The following MAP3K13 variants were observed in gnomAD, a reference collection of about 807,000 sequenced individuals.
MAP3K13 encodes the protein mitogen-activated protein kinase kinase kinase 13.
A neutral mutation model predicts 104.0 loss-of-function variants in MAP3K13; 52 were observed. That is an observed-to-expected ratio of 0.50 (90% CI 0.40 to 0.63). The LOEUF is 0.63. Among genes scored for constraint, MAP3K13 ranks in the 20% least tolerant of loss-of-function variants. The pLI is 0.00. For missense variants in MAP3K13, 914 were observed against 1,218.5 expected (o/e 0.75, Z 3.72); for synonymous variants, 394 against 442.2 (o/e 0.89, Z 1.37).
At chr3:185,388,675 A>G (rs773531454) in intron 1 of MAP3K13, among the ~76,000 whole-genome samples, 10 of 152,162 alleles carry the variant, frequency 6.6e-5, no homozygotes, top group Admixed American at 2.0e-4. Context: ...ACAGAAATAG[A>G]CGAAGCAATC....
At chr3:185,475,665 A>G (rs1165787235) in intron 11 of MAP3K13, among the ~76,000 whole-genome samples, 1 of 152,152 alleles carries the variant, frequency 6.6e-6, no homozygotes, top group Admixed American at 6.5e-5. Context: ...CAGCCTGGCC[A>G]ATATGGGAAA....
chr3:185,460,023 T>C (rs1192077331), intron 7 of MAP3K13, among the ~76,000 whole-genome samples: 4 of 152,244 alleles, frequency 2.6e-5, no homozygotes, highest in Non-Finnish European at 5.9e-5. Context: ...GGTTCACGTA[T>C]TTTGTAGCAC....
At chr3:185,421,526 C>A (rs905646149) in intron 1 of MAP3K13, among the ~76,000 whole-genome samples, 7 of 152,268 alleles carry the variant, frequency 4.6e-5, no homozygotes, top group African/African-American at 1.7e-4. Flanking sequence ...GATAAGGGTG[C>A]CATTCCAAAC....
chr3:185,463,788 T>G, intron 8 of MAP3K13, 129 bp downstream of exon 8: 1 of 542,968 alleles, frequency 1.8e-6, no homozygotes, highest in South Asian at 3.3e-5. Flanking sequence ...TTATGCTCTT[T>G]AAAAGTTGCC....
intron 2 of MAP3K13, among the ~76,000 whole-genome samples, chr3:185,339,923 A>G (rs1480781604): frequency 3.3e-5 from 5 of 152,242 alleles, no homozygotes; most frequent in Non-Finnish European, 7.3e-5. Flanking sequence ...GCAAGCTGAA[A>G]CTATGCAAAG....
chr3:185,390,053 C>G (rs1012388210), intron 1 of MAP3K13, among the ~76,000 whole-genome samples: 1 of 152,134 alleles, frequency 6.6e-6, no homozygotes, highest in Non-Finnish European at 1.5e-5. Flanking sequence ...GGGATCTCCA[C>G]TGTCTACTTG....
rs1718553698 is a variant in MAP3K13 at position 185,483,065 on chromosome 3, TGGC to T, written c.*610_*612del. 1 of 232,596 alleles carries T rather than the reference TGGC, an allele frequency of 4.3e-6. No individual in the cohort carries two copies. Among genetic ancestry groups the T allele is most frequent in the Non-Finnish European group, 8.5e-6 (1 of 117,738 alleles). 14.4% of individuals were successfully genotyped at this position (232,596 alleles called of 1,614,324 possible). On this transcript the variant is annotated 3_prime_UTR_variant, in exon 14 of 14. Coordinates refer to ENST00000265026, the MANE Select transcript of MAP3K13 (RefSeq NM_004721.5). The stretch of plus-strand genomic sequence containing the variant: ...ATTCACTTCAACCAGCTTGTCCAGG[TGGC>T]TTACGGAAATGACCTAGAAAAGTCT...
At chr3:185,336,227 A>G (rs910459499) in intron 2 of MAP3K13, among the ~76,000 whole-genome samples, 1 of 152,154 alleles carries the variant, frequency 6.6e-6, no homozygotes, top group Non-Finnish European at 1.5e-5. Flanking sequence ...AATGGAATGT[A>G]ATGTCAGAAT....
chr3:185,353,467 A>C (rs540940278), intron 2 of MAP3K13, among the ~76,000 whole-genome samples: 1 of 152,340 alleles, frequency 6.6e-6, no homozygotes, highest in South Asian at 2.1e-4. Context: ...AAACCCAGTG[A>C]TTGGCATAGG....
chr3:185,476,121 C>T (rs1282077700), intron 11 of MAP3K13, among the ~76,000 whole-genome samples: 6 of 152,128 alleles, frequency 3.9e-5, no homozygotes, highest in African/African-American at 1.4e-4. Context: ...GCAGTCACCA[C>T]ATTCCCCAGG....
chr3:185,410,896 C>G (rs1434277478), intron 1 of MAP3K13, among the ~76,000 whole-genome samples: 1 of 150,402 alleles, frequency 6.6e-6, no homozygotes, highest in East Asian at 2.0e-4. Context: ...GATCACACCG[C>G]TGCACTCCAG....
intron 2 of MAP3K13, among the ~76,000 whole-genome samples, chr3:185,343,658 G>A (rs59641857): frequency 5.3e-4 from 81 of 152,156 alleles, no homozygotes; most frequent in African/African-American, 1.8e-3. Flanking sequence ...TCACCGTGTT[G>A]GCCAGGATGG....
At chr3:185,389,526 A>C (rs1485144132) in intron 1 of MAP3K13, among the ~76,000 whole-genome samples, 1 of 152,116 alleles carries the variant, frequency 6.6e-6, no homozygotes. Flanking sequence ...TGTAAAAAAG[A>C]CTGCCAGTTG....
intron 2 of MAP3K13, among the ~76,000 whole-genome samples, chr3:185,306,192 C>A (rs1053559854): frequency 2.0e-5 from 3 of 152,100 alleles, no homozygotes; most frequent in African/African-American, 7.2e-5. Flanking sequence ...TTGATGGGCA[C>A]CTAGGTTGAT....
intron 10 of MAP3K13, among the ~76,000 whole-genome samples, chr3:185,469,742 T>C (rs1468826489): frequency 6.6e-6 from 1 of 152,222 alleles, no homozygotes; most frequent in Non-Finnish European, 1.5e-5. Flanking sequence ...ACTTGCAGGC[T>C]CTTAGGCCCC....
At chr3:185,384,982 G>A (rs1217459324) in intron 1 of MAP3K13, among the ~76,000 whole-genome samples, 2 of 152,058 alleles carry the variant, frequency 1.3e-5, no homozygotes, top group Non-Finnish European at 2.9e-5. Flanking sequence ...TTTGTTTACT[G>A]TGCTTTTGAA....
intron 2 of MAP3K13, among the ~76,000 whole-genome samples, chr3:185,291,012 CTT>C (rs571760068): frequency 3.3e-5 from 5 of 152,154 alleles, no homozygotes; most frequent in Non-Finnish European, 7.4e-5. Flanking sequence ...TATAACCTGT[CTT>C]TTGTTGCATC....
Position 185,447,806 on chromosome 3 carries a change from C to G in MAP3K13, c.869C>G (p.Thr290Arg), listed in dbSNP as rs773626853. ...LKSPNVLVTH[T>R]DAVKISDFGT... ...TTTTAAAGTGTTTTAGTGACCCACA[C>G]AGATGCGGTAAAAATTTCAGATTTT... Residue 290 changes from threonine to arginine, a missense_variant, in exon 5 of 14, where the codon ACA becomes AGA. Physicochemically the swap from Thr to Arg is moderately conservative, Grantham distance 71 (BLOSUM62 -1). This residue lies in a region of MAP3K13 where 175 missense variants were observed against 321.3 expected (regional missense o/e 0.54). Transcript: ENST00000265026. 6.2e-7 allele frequency: 1 copy of G among 1,612,060 alleles called. No homozygotes were observed.
Position 185,354,439 on chromosome 3 carries a change from G to T in MAP3K13, c.-86+68796G>T, listed in dbSNP as rs1172728352. On this transcript the variant is annotated intron_variant, in intron 2 of 14. Coordinates refer to the MAP3K13 transcript ENST00000424227. ...GTTAGGCTACCGGGTGATGCTCTCCGCTGCCCTCTGTTGACATAGAGAGGT... is the reference window on the plus strand; with the variant it reads ...GTTAGGCTACCGGGTGATGCTCTCCTCTGCCCTCTGTTGACATAGAGAGGT... 2.7e-5 allele frequency among the ~76,000 whole-genome samples: 4 copies of T among 150,394 alleles called. No homozygotes were observed. In the East Asian group the frequency reaches 8.1e-4, roughly 31 times the overall value.
Sources: gnomAD v4.1 joint callset for allele counts (sites outside exome capture counted in the v4.1 genomes callset) on GRCh38, gnomAD v4.1.1 for gene constraint, gnomAD v4.1.1 regional missense constraint, MANE v1.5 for transcripts, NCBI Gene and HGNC (gene_info 2026-07-23, HGNC 2026-07-21) for gene names.